The following STK36 variants were observed in gnomAD, a reference collection of about 807,000 sequenced individuals.
STK36 encodes serine/threonine-protein kinase 36.
In STK36, 116 loss-of-function variants were observed where a neutral mutation model predicts 142.2. The ratio of observed to expected loss-of-function variants is 0.82; its 90% confidence interval spans 0.70 to 0.95. The LOEUF is 0.95. Ranked by LOEUF, STK36 falls within the 40% of genes least tolerant of loss-of-function variation. STK36 has a pLI of 0.00. For synonymous variants in STK36, 619 were observed against 641.7 expected (o/e 0.96, Z 0.53); for missense variants, 1,422 against 1,617.2 (o/e 0.88, Z 2.07).
intron 16 of STK36, 126 bp downstream of exon 16, chr2:218,692,836 A>T: frequency 7.6e-7 from 1 of 1,308,282 alleles, no homozygotes; most frequent in Non-Finnish European, 1.0e-6. Flanking sequence ...CCAGAAACAG[A>T]TGCTCCCACC....
chr2:218,689,926 T>C lies in STK36; in HGVS notation c.1628T>C (p.Phe543Ser). 1 of 1,601,380 alleles carries C rather than the reference T, an allele frequency of 6.2e-7. No homozygotes were observed. The highest frequency in any genetic ancestry group is 8.5e-7 in the Non-Finnish European group (1 of 1,173,186). ...AVIQAYFACT[F>S]NLERSQTSDS... Reference sequence around the variant, plus strand: ...ATTCAGGCCTACTTTGCCTGTACCTTCAATCTGGAGAGGAGCCAGACAAGT... The same window carrying C: ...ATTCAGGCCTACTTTGCCTGTACCTCCAATCTGGAGAGGAGCCAGACAAGT... The change falls in exon 13 of 27, where the codon TTC becomes TCC. Residue 543 changes from phenylalanine to serine, a missense_variant. Transcript: ENST00000295709.
chr2:218,697,205 C>T lies in STK36; in HGVS notation c.2753C>T (p.Ser918Phe). The T allele has an allele frequency of 6.2e-7, 1 of 1,612,144 alleles. No homozygotes were observed. The highest frequency in any genetic ancestry group is 8.5e-7 in the Non-Finnish European group (1 of 1,179,338). ...CCTGAGCCAGACTGGACACTGATTT[C>T]TCCCCAGGGTATCTTTCTATCAGTA... is the stretch of plus-strand genomic sequence containing the variant. ...PSPEPDWTLI[S>F]PQGMAALLSL... is the part of the protein sequence containing the mutation. The change falls in exon 23 of 27, where the codon TCT becomes TTT. Residue 918 changes from serine (S) to phenylalanine (F), a missense_variant. This residue lies in a region of STK36 where 962 missense variants were observed against 1,167.5 expected (regional missense o/e 0.82). Transcript: ENST00000295709.
intron 11 of STK36, among the ~76,000 whole-genome samples, chr2:218,686,079 C>A (rs1382763578): frequency 6.6e-6 from 1 of 151,918 alleles, no homozygotes; most frequent in East Asian, 1.9e-4. Flanking sequence ...ACTGGGATTA[C>A]AGGCTCGTGC....
Position 218,694,009 on chromosome 2 carries a change from A to T in STK36, c.2336+26A>T. On this transcript the variant is annotated intron_variant, in intron 19 of 26. Coordinates refer to ENST00000295709, the MANE Select transcript of STK36 (RefSeq NM_015690.5). The surrounding 1 kb of genome is among the most constrained non-coding windows in gnomAD (Gnocchi z 4.4). ...GTAAGTCATAAAGTAGGGTGTCTCCACAGAAGTCTTCTAGCCACATAGCTA... is the reference window on the plus strand; with the variant it reads ...GTAAGTCATAAAGTAGGGTGTCTCCTCAGAAGTCTTCTAGCCACATAGCTA... The T allele has an allele frequency of 6.2e-7, 1 of 1,609,628 alleles. No homozygotes were observed. The highest frequency in any genetic ancestry group is 8.5e-7 in the Non-Finnish European group (1 of 1,175,930).
chr2:218,694,457 T>A lies in STK36; in HGVS notation c.2401-68T>A, dbSNP rs1941145767. On this transcript the variant is annotated intron_variant, in intron 20 of 26. Coordinates refer to ENST00000295709, the MANE Select transcript of STK36 (RefSeq NM_015690.5). The surrounding 1 kb of genome is among the most constrained non-coding windows in gnomAD (Gnocchi z 4.4). ...TTTTGGACCAGGACAGAGACATAAA[T>A]CCTCTCTGCCTGTCCTGAATGCCAT... The A allele has an allele frequency of 1.9e-6, 3 of 1,542,820 alleles. No individual in the cohort carries two copies. The highest frequency in any genetic ancestry group is 3.3e-5 in the Admixed American group (2 of 59,880).
At chr2:218,699,478 G>T in intron 26 of STK36, 130 bp downstream of exon 26, 1 of 1,356,794 alleles carries the variant, frequency 7.4e-7, no homozygotes, top group Non-Finnish European at 9.7e-7. Context: ...CCCAGGGACA[G>T]TGTCTTGGAG....
chr2:218,689,851 C>T lies in STK36; in HGVS notation c.1561-8C>T, dbSNP rs778962646. The T allele has an allele frequency of 1.9e-6, 3 of 1,606,800 alleles. No homozygotes were observed. The highest frequency in any genetic ancestry group is 2.7e-5 in the African/African-American group (2 of 74,922). On this transcript the variant is annotated splice_polypyrimidine_tract_variant and splice_region_variant and intron_variant, in intron 12 of 26. Coordinates refer to ENST00000295709, the MANE Select transcript of STK36 (RefSeq NM_015690.5). The stretch of plus-strand genomic sequence containing the variant: ...TTGCCCTTACTCTCTTCTCCTTTTC[C>T]TGGGCAGCAATCTTGGTATGGGACC...
rs548587587 is a variant in STK36 at position 218,692,715 on chromosome 2, G to A, written c.2043+5G>A. On this transcript the variant is annotated splice_donor_5th_base_variant and intron_variant, in intron 16 of 26. Transcript: ENST00000295709. ...TGCTGGGATGCCAAGGAGCAGGTCC[G>A]AGCTACAATTGGTTGTTCCTCTCAT... 4.3e-6 allele frequency: 7 copies of A among 1,610,014 alleles called. No homozygotes were observed. The African/African-American group carries it at 5.3e-5, about 12-fold the overall frequency.
chr2:218,687,583 A>G (rs960944356), intron 11 of STK36, among the ~76,000 whole-genome samples: 2 of 152,296 alleles, frequency 1.3e-5, no homozygotes, highest in East Asian at 3.9e-4. Context: ...CTAGTGTTGG[A>G]TAACTTGCAG....
chr2:218,696,130 G>C (rs1480950899), intron 21 of STK36, among the ~76,000 whole-genome samples: 1 of 152,106 alleles, frequency 6.6e-6, no homozygotes, highest in Non-Finnish European at 1.5e-5. Flanking sequence ...CCAAAGTGCT[G>C]GGATTACAGG....
rs1940148491 is a variant in STK36, at chr2:218,674,586, A to G, written c.303+630A>G. 2.0e-5 allele frequency among the ~76,000 whole-genome samples: 3 copies of G among 152,062 alleles called. No homozygotes were observed. The South Asian group carries it at 6.2e-4, about 31-fold the overall frequency. ...CTATTTGTAAGTAATCATATTTTTGAAATTATTTTATTTTTAATTGAATTT... is the reference window on the plus strand; with the variant it reads ...CTATTTGTAAGTAATCATATTTTTGGAATTATTTTATTTTTAATTGAATTT... On this transcript the variant is annotated intron_variant, in intron 4 of 26. Coordinates refer to ENST00000295709, the MANE Select transcript of STK36 (RefSeq NM_015690.5).
At chr2:218,699,682 CTA>C (rs1007151399) in intron 26 of STK36, among the ~76,000 whole-genome samples, 4 of 150,742 alleles carry the variant, frequency 2.7e-5, no homozygotes, top group African/African-American at 9.8e-5. Context: ...AAGGTGCTGA[CTA>C]TTTTTTTTTT....
intron 12 of STK36, among the ~76,000 whole-genome samples, chr2:218,689,146 ATCCTTTCCTC>A (rs1940897051): frequency 6.6e-6 from 1 of 152,202 alleles, no homozygotes. Flanking sequence ...GAGTAGAGGC[ATCCTTTCCTC>A]AGCCTCCAGC....
At chr2:218,680,579 C>A in intron 9 of STK36, 24 bp from the exon 10 acceptor site, 2 of 1,596,520 alleles carry the variant, frequency 1.3e-6, no homozygotes, top group South Asian at 1.1e-5. Flanking sequence ...GGAACCCGTT[C>A]TACCCCTTGG....
rs1941471848 is a variant in STK36, at chr2:218,702,324, C to T, written c.*315C>T. ...TGCCTCACGGACCTTAGGGAAAAAC[C>T]TCAACCTGAAAGATCTCTTCCTTTC... On this transcript the variant is annotated 3_prime_UTR_variant, in exon 27 of 27. Transcript: ENST00000295709. The T allele has an allele frequency of 4.7e-6, 1 of 215,048 alleles. No individual in the cohort carries two copies. The highest frequency in any genetic ancestry group is 9.1e-6 in the Non-Finnish European group (1 of 109,406). The allele number at this position is 215,048 out of a possible 1,614,324, so 13.3% of individuals were successfully genotyped here.
Position 218,679,215 on chromosome 2 carries a change from C to T in STK36, c.732C>T (p.Ser244=). 1.2e-6 allele frequency: 2 copies of T among 1,614,194 alleles called. No individual in the cohort carries two copies. The highest frequency in any genetic ancestry group is 1.1e-5 in the South Asian group (1 of 91,078). ...LLTKDPRQRL[S]WPDLLYHPFI... ...CCAAAGACCCACGGCAGCGACTGTC[C>T]TGGCCAGACCTCTTATATCACCCCT... Residue 244 remains serine (S), a synonymous_variant, in exon 7 of 27, where the codon TCC becomes TCT. Coordinates refer to ENST00000295709, the MANE Select transcript of STK36 (RefSeq NM_015690.5).
chr2:218,679,799 C>G, intron 8 of STK36, 70 bp downstream of exon 8: 1 of 1,608,660 alleles, frequency 6.2e-7, no homozygotes, highest in East Asian at 2.2e-5. Context: ...AGGAGGGTGA[C>G]TTTCTAGGGT....
rs1039393493 is a variant in STK36 at position 218,702,047 on chromosome 2, C to A, written c.*38C>A. The A allele has an allele frequency of 6.2e-7, 1 of 1,608,954 alleles. No homozygotes were observed. Among genetic ancestry groups the A allele is most frequent in the Non-Finnish European group, 8.5e-7 (1 of 1,177,344 alleles). On this transcript the variant is annotated 3_prime_UTR_variant, in exon 27 of 27. Coordinates refer to ENST00000295709, the MANE Select transcript of STK36 (RefSeq NM_015690.5). ...GCGGTCCAGCCTCCAACTTTGGTTG[C>A]CAGCTCTTTCTTATTCTACTACACA... is the stretch of plus-strand genomic sequence containing the variant.
At chr2:218,692,797 C>T in intron 16 of STK36, 87 bp downstream of exon 16, 1 of 1,488,972 alleles carries the variant, frequency 6.7e-7, no homozygotes, top group Non-Finnish European at 8.9e-7. Flanking sequence ...GGCAGAAAAA[C>T]AAGCTTTTAA....
Sources: allele counts gnomAD v4.1 joint callset (sites outside exome capture counted in the v4.1 genomes callset), GRCh38; gene constraint gnomAD v4.1.1; regional missense constraint gnomAD v4.1.1; non-coding constraint Gnocchi (gnomAD v3.1); transcripts MANE v1.5; gene names NCBI Gene and HGNC (gene_info 2026-07-23, HGNC 2026-07-21).